MIB2: variants seen among roughly 807,000 people sequenced by gnomAD.
MIB2 encodes the protein MIB E3 ubiquitin protein ligase 2.
Under a neutral mutation model 96.6 loss-of-function variants are expected in MIB2, and 78 were observed. That is an observed-to-expected ratio of 0.81 (90% CI 0.67 to 0.97). MIB2 has a LOEUF of 0.97. MIB2 is among the 50% of genes least tolerant of loss of function. The pLI is 0.00. For synonymous variants in MIB2, 820 were observed against 629.5 expected (o/e 1.30, Z -4.53); for missense variants, 1,543 against 1,424.0 (o/e 1.08, Z -1.35).
rs757509018 is a variant in MIB2, at chr1:1,628,645, C to T, written c.2125C>T (p.Leu709=). The change falls in exon 16 of 20, where the codon CTG becomes TTG. Residue 709 remains leucine, a synonymous_variant. Coordinates refer to ENST00000355826, the MANE Select transcript of MIB2 (RefSeq NM_001170687.4). Reference sequence around the variant, plus strand: ...GGGGGACACAGCCCTGCACGTGGCGCTGCAGCGTCATCAGCTGCTGCCCCT... The same window carrying T: ...GGGGGACACAGCCCTGCACGTGGCGTTGCAGCGTCATCAGCTGCTGCCCCT... ...EEGDTALHVA[L]QRHQLLPLVA... 6.3e-7 allele frequency: 1 copy of T among 1,593,808 alleles called. No homozygotes were observed. Among genetic ancestry groups the T allele is most frequent in the Admixed American group, 1.7e-5 (1 of 58,008 alleles).
In MIB2 at chr1:1,616,620, C is replaced by T. The variant is rs915855807; in HGVS notation, c.-23+6C>T. 4.4e-6 allele frequency: 7 copies of T among 1,582,780 alleles called. No homozygotes were observed. The highest frequency in any genetic ancestry group is 4.1e-5 in the African/African-American group (3 of 73,686). On this transcript the variant is annotated splice_donor_region_variant and intron_variant, in intron 2 of 19. Coordinates refer to ENST00000355826, the MANE Select transcript of MIB2 (RefSeq NM_001170687.4). ...GCGACTGGACGGCCGGACAGGTGAGCTCTTGATCGTCCGCGGCCTGATAGT... is the reference window on the plus strand; with the variant it reads ...GCGACTGGACGGCCGGACAGGTGAGTTCTTGATCGTCCGCGGCCTGATAGT...
chr1:1,630,219 C>A, intron 19 of MIB2, 73 bp from the exon 20 acceptor site: 1 of 261,766 alleles, frequency 3.8e-6, no homozygotes, highest in East Asian at 1.0e-4. Context: ...CCCAGCCTCG[C>A]CCCCCCGCAG....
chr1:1,614,390 T>G (rs1026716576), upstream of MIB2: 4 of 152,260 alleles, frequency 2.6e-5, no homozygotes, highest in African/African-American at 7.2e-5. Context: ...GACGTCGGCC[T>G]GGTAAGGCTC....
chr1:1,616,168 G>T (rs1412656841), intron 1 of MIB2: 25 of 914,902 alleles, frequency 2.7e-5, no homozygotes, highest in Non-Finnish European at 3.1e-5. Flanking sequence ...CCACGGGCAC[G>T]AATGACAGGG....
intron 2 of MIB2, 124 bp downstream of exon 2, chr1:1,616,738 G>A: frequency 1.4e-6 from 1 of 733,832 alleles, no homozygotes; most frequent in Non-Finnish European, 2.2e-6. Flanking sequence ...GAGGGGAGTG[G>A]TGAGTAATCC....
chr1:1,617,603 C>T (rs764704183), intron 2 of MIB2: 1 of 152,222 alleles, frequency 6.6e-6, no homozygotes, highest in African/African-American at 2.4e-5. Context: ...TGTGTTGTGT[C>T]TCCAGTGGCT....
chr1:1,629,851 CA>C (rs1266653986), intron 19 of MIB2, 147 bp downstream of exon 19: 1 of 742,804 alleles, frequency 1.3e-6, no homozygotes, highest in Non-Finnish European at 2.0e-6. Flanking sequence ...CCCGGCCCCC[CA>C]GCCCCCAGCC....
chr1:1,623,476 C>T lies in MIB2; in HGVS notation c.24C>T (p.Gly8=), dbSNP rs749884533. 92 of 1,589,850 alleles carry T rather than the reference C, an allele frequency of 5.8e-5. No individual in the cohort carries two copies. Among genetic ancestry groups the T allele is most frequent in the East Asian group, 1.2e-4 (5 of 43,476 alleles). Residue 8 remains glycine (G), a synonymous_variant, in exon 3 of 20, where the codon GGC becomes GGT. Transcript: ENST00000355826. ...ACATGGACCCAGACCCCCAGGCGGG[C>T]GTGCAGGTGGGCATGCGGGTGGTGC... The part of the protein sequence containing the change: MDPDPQA[G]VQVGMRVVRG...
At chr1:1,622,931 C>T (rs1028447691) in intron 2 of MIB2, among the ~76,000 whole-genome samples, 23 of 152,078 alleles carry the variant, frequency 1.5e-4, no homozygotes, top group Non-Finnish European at 2.9e-4. Flanking sequence ...GGTTGTCTGA[C>T]GTTTTCGTGT....
chr1:1,615,615 G>T lies in MIB2; in HGVS notation c.-148G>T, dbSNP rs749161006. ...CTCCTAGGTCACTGGCGCGATGCGG[G>T]CCGTCCTCTCGGCTGATGGTGCGTG... On this transcript the variant is annotated 5_prime_UTR_variant, in exon 1 of 20. Coordinates refer to ENST00000355826, the MANE Select transcript of MIB2 (RefSeq NM_001170687.4). The T allele has an allele frequency of 6.4e-7, 1 of 1,571,010 alleles. No homozygotes were observed. The highest frequency in any genetic ancestry group is 2.4e-5 in the East Asian group (1 of 41,540).
In MIB2 at chr1:1,624,973, G is replaced by T; in HGVS notation, c.527-18G>T. 2 of 1,608,718 alleles carry T rather than the reference G, an allele frequency of 1.2e-6. No individual in the cohort carries two copies. The highest frequency in any genetic ancestry group is 1.7e-6 in the Non-Finnish European group (2 of 1,177,250). Reference sequence around the variant, plus strand: ...TCATGGCTCAGCCTTAGCCTGCTGGGGGGGCCTCTTTCCCCAGGAGGGGAA... The same window carrying T: ...TCATGGCTCAGCCTTAGCCTGCTGGTGGGGCCTCTTTCCCCAGGAGGGGAA... On this transcript the variant is annotated intron_variant, in intron 5 of 19. Coordinates refer to ENST00000355826, the MANE Select transcript of MIB2 (RefSeq NM_001170687.4).
intron 4 of MIB2, 118 bp from the exon 5 acceptor site, chr1:1,624,677 A>G: frequency 1.1e-6 from 1 of 934,380 alleles, no homozygotes; most frequent in East Asian, 2.6e-5. Flanking sequence ...GGGGCTGCGG[A>G]GCCCAGCAGG....
Position 1,623,440 on chromosome 1 carries a change from AG to A in MIB2, c.-12del. ...ACCCCTCTGCCCACAGGTCCCGAGC[AG>A]CCCCGCCCAACATGGACCCAGACCC... On this transcript the variant is annotated 5_prime_UTR_variant, in exon 3 of 20. Transcript: ENST00000355826. The A allele has an allele frequency of 6.2e-7, 1 of 1,601,748 alleles. No homozygotes were observed. The highest frequency in any genetic ancestry group is 1.1e-5 in the South Asian group (1 of 89,710).
Position 1,630,286 on chromosome 1 carries a change from C to CCG in MIB2, c.2630-4_2630-3dup. On this transcript the variant is annotated splice_polypyrimidine_tract_variant and splice_region_variant and intron_variant, in intron 19 of 19. Coordinates refer to ENST00000355826, the MANE Select transcript of MIB2 (RefSeq NM_001170687.4). ...TCCCAGCTCACACCCGTCCCCCACC[C>CCG]CGCAGACGGCTCTGAGGTGGCGAGC... 1 of 1,487,728 alleles carries CCG rather than the reference C, an allele frequency of 6.7e-7. No homozygotes were observed. Among genetic ancestry groups the CCG allele is most frequent in the South Asian group, 1.2e-5 (1 of 80,116 alleles). 92.2% of individuals were successfully genotyped at this position (1,487,728 alleles called of 1,614,324 possible).
Position 1,627,720 on chromosome 1 carries a change from C to T in MIB2, c.1571C>T (p.Ala524Val), listed in dbSNP as rs76957527. 2.0e-3 allele frequency: 3,219 copies of T among 1,595,034 alleles called. 48 individuals carry two copies. In the African/African-American group the frequency reaches 0.036, roughly 18 times the overall value. The stretch of plus-strand genomic sequence containing the variant: ...GTGCTCCTGAGTGCTGGGTGCCGGG[C>T]GGACGCCATCAACAGCACCCAGAGC... The part of the protein sequence containing the change: ...TRVLLSAGCR[A>V]DAINSTQSTA... Residue 524 changes from alanine (A) to valine (V), a missense_variant, in exon 13 of 20, where the codon GCG becomes GTG. By Grantham distance (64) the Ala-to-Val change is moderately conservative. Coordinates refer to ENST00000355826, the MANE Select transcript of MIB2 (RefSeq NM_001170687.4).
rs377571029 is a variant in MIB2, at chr1:1,623,779, C to T, written c.253C>T (p.Arg85Trp). The T allele has an allele frequency of 1.9e-5, 31 of 1,597,098 alleles. No individual in the cohort carries two copies. The highest frequency in any genetic ancestry group is 9.1e-5 in the East Asian group (4 of 43,742). Residue 85 changes from arginine (R) to tryptophan (W), a missense_variant, in exon 4 of 20, where the codon CGG (arginine) becomes TGG (tryptophan). By Grantham distance (101) the Arg-to-Trp change is moderately radical. Transcript: ENST00000355826. ...LLYDNAQIGV[R>W]HPNIICDCCK... is the part of the protein sequence containing the mutation. ...TGACCCCACCCCACCCCCAGGCGTCCGGCACCCCAACATCATCTGTGACTG... is the reference window on the plus strand; with the variant it reads ...TGACCCCACCCCACCCCCAGGCGTCTGGCACCCCAACATCATCTGTGACTG...
Position 1,625,365 on chromosome 1 carries a change from G to A in MIB2, c.801G>A (p.Leu267=), listed in dbSNP as rs1011486025. Residue 267 remains leucine, a synonymous_variant, in exon 7 of 20, where the codon CTG becomes CTA. Coordinates refer to ENST00000355826, the MANE Select transcript of MIB2 (RefSeq NM_001170687.4). The surrounding 1 kb of genome is among the most constrained non-coding windows in gnomAD (Gnocchi z 5.0). The part of the protein sequence containing the change: ...FQHGDKVKCL[L]DTDVLREMQE... ...ACGGGGACAAGGTCAAGTGTCTGCT[G>A]GACACTGATGTCCTGCGGGAGATGC... is the stretch of plus-strand genomic sequence containing the variant. The A allele has an allele frequency of 2.2e-5, 35 of 1,588,636 alleles. No individual in the cohort carries two copies. Among genetic ancestry groups the A allele is most frequent in the Non-Finnish European group, 2.7e-5 (32 of 1,168,436 alleles).
intron 1 of MIB2, 173 bp downstream of exon 1, chr1:1,615,806 G>A: frequency 1.5e-6 from 2 of 1,308,178 alleles, no homozygotes; most frequent in Non-Finnish European, 9.7e-7. Context: ...GCGCAGCGCC[G>A]CCGCGGGGCC....
rs922452743 is a variant in MIB2 at position 1,628,025 on chromosome 1, C to G, written c.1687C>G (p.His563Asp). 7.4e-6 allele frequency: 12 copies of G among 1,612,684 alleles called. No homozygotes were observed. Among genetic ancestry groups the G allele is most frequent in the Non-Finnish European group, 1.0e-5 (12 of 1,179,680 alleles). ...RGCDVNLPDA[H>D]SDTPLHSAIS... is the part of the protein sequence containing the mutation. ...ACTGACTCCGCCCCAGCAGGACGCC[C>G]ACTCGGACACGCCCCTGCACTCCGC... Residue 563 changes from histidine to aspartate, a missense_variant, in exon 14 of 20, where the codon CAC (histidine) becomes GAC (aspartate). Transcript: ENST00000355826.
Sources: allele counts gnomAD v4.1 joint callset (sites outside exome capture counted in the v4.1 genomes callset), GRCh38; gene constraint gnomAD v4.1.1; non-coding constraint Gnocchi (gnomAD v3.1); transcripts MANE v1.5; gene names NCBI Gene and HGNC (gene_info 2026-07-23, HGNC 2026-07-21).